TRABD2A: variants seen among roughly 807,000 people sequenced by gnomAD.
The protein encoded by TRABD2A is TraB domain containing 2A, also known as metalloprotease TIKI1.
A neutral mutation model predicts 45.6 loss-of-function variants in TRABD2A; 43 were observed. The ratio of observed to expected loss-of-function variants is 0.94; its 90% CI spans 0.74 to 1.22. The LOEUF is 1.22. Ranked by LOEUF, TRABD2A falls within the 50% of genes most tolerant of loss-of-function variation. The probability of loss-of-function intolerance (pLI) is 0.00; values close to 1 mark genes in which losing one functional copy is unlikely to be tolerated. For synonymous variants in TRABD2A, 269 were observed against 265.0 expected (o/e 1.02, Z -0.15); for missense variants, 642 against 652.4 (o/e 0.98, Z 0.17).
At chr2:84,877,844 TCAGCAGAC>T (rs1183602717) in intron 1 of TRABD2A, among the ~76,000 whole-genome samples, 1 of 152,200 alleles carries the variant, frequency 6.6e-6, no homozygotes, top group Non-Finnish European at 1.5e-5. Context: ...AGATTACTCT[TCAGCAGAC>T]CAGCCACAAT....
Position 84,839,202 on chromosome 2 carries a change from T to C in TRABD2A, c.938A>G (p.Lys313Arg), listed in dbSNP as rs1169070832. 2 of 1,613,940 alleles carry C rather than the reference T, an allele frequency of 1.2e-6. No homozygotes were observed. Among genetic ancestry groups the C allele is most frequent in the African/African-American group, 1.3e-5 (1 of 75,036 alleles). Residue 313 changes from lysine (K) to arginine (R), a missense_variant, in exon 4 of 7, where the codon AAG becomes AGG. Coordinates refer to ENST00000409520, the MANE Select transcript of TRABD2A (RefSeq NM_001277053.2). The part of the protein sequence containing the change: ...KRNERIGKRV[K>R]ALLEEFPDKG... ...GTCAGGGAACTCCTCCAAAAGGGCC[T>C]TCACCCGCTTCCCTATTCTCTCATT...
chr2:84,878,935 A>G (rs1683118134), intron 1 of TRABD2A, among the ~76,000 whole-genome samples: 1 of 152,210 alleles, frequency 6.6e-6, no homozygotes, highest in East Asian at 1.9e-4. Flanking sequence ...TTCTCAAAGT[A>G]TGGTCCAGGG....
chr2:84,875,797 A>G lies in TRABD2A; in HGVS notation c.109-5012T>C, dbSNP rs919808333. Among the ~76,000 whole-genome samples, 3 of 152,164 alleles carry G rather than the reference A, an allele frequency of 2.0e-5. No homozygotes were observed. The South Asian group carries it at 6.2e-4, about 32-fold the overall frequency. On this transcript the variant is annotated intron_variant, in intron 1 of 6. Coordinates refer to ENST00000409520, the MANE Select transcript of TRABD2A (RefSeq NM_001277053.2). The stretch of plus-strand genomic sequence containing the variant: ...AGCTTGAGCCCAAAAGTTTGAGATC[A>G]GCCTGGACAACATAGCAAGACCCTG...
At chr2:84,865,506 A>T (rs148528311) in intron 2 of TRABD2A, among the ~76,000 whole-genome samples, 193 of 152,336 alleles carry the variant, frequency 1.3e-3, no homozygotes, top group African/African-American at 4.5e-3. Context: ...CAGGCTTTGC[A>T]TGTGGAAAGC....
rs773927512 is a variant in TRABD2A at position 84,863,239 on chromosome 2, C to CTTTTTTTTTTTTTT, written c.669+6972_669+6985dup. Among the ~76,000 whole-genome samples the CTTTTTTTTTTTTTT allele has an allele frequency of 1.6e-4, 16 of 98,136 alleles. 1 individual carries two copies. The highest frequency in any genetic ancestry group is 6.2e-4 in the African/African-American group (14 of 22,662). The allele number at this position is 98,136 out of a possible 152,430, so 64.4% of individuals were successfully genotyped here. ...CCAAAAGGTTAGACTTCATGTGAAT[C>CTTTTTTTTTTTTTT]TTTTTTTTTTTTTTTTTTTTTTTGA... On this transcript the variant is annotated intron_variant, in intron 2 of 6. Transcript: ENST00000409520.
rs747448072 is a variant in TRABD2A at position 84,881,056 on chromosome 2, C to T, written c.-17G>A. The T allele has an allele frequency of 1.5e-5, 24 of 1,580,462 alleles. No homozygotes were observed. The highest frequency in any genetic ancestry group is 2.1e-5 in the Non-Finnish European group (24 of 1,164,826). On this transcript the variant is annotated 5_prime_UTR_variant, in exon 1 of 7. Transcript: ENST00000409520. ...GGGACTCATCCTCCTCAAGGCGGCT[C>T]CGAGGCCCGGAACGCGGAGGGAAGG...
chr2:84,823,850 C>T, intron 6 of TRABD2A, 103 bp downstream of exon 6: 1 of 1,483,948 alleles, frequency 6.7e-7, no homozygotes, highest in South Asian at 1.3e-5. Flanking sequence ...GGAAAGGTTG[C>T]TCCATGAGGG....
chr2:84,822,794 A>G (rs1681034810), intron 6 of TRABD2A, among the ~76,000 whole-genome samples: 2 of 152,174 alleles, frequency 1.3e-5, no homozygotes, highest in Non-Finnish European at 2.9e-5. Flanking sequence ...TCCATTTAAA[A>G]TGCAGATCAC....
chr2:84,859,753 C>T (rs555073398), intron 2 of TRABD2A, among the ~76,000 whole-genome samples: 1 of 152,272 alleles, frequency 6.6e-6, no homozygotes, highest in African/African-American at 2.4e-5. Context: ...CCAGAGTTTC[C>T]AGTTCAGGAG....
At chr2:84,841,783 A>G in intron 3 of TRABD2A, 78 bp downstream of exon 3, 2 of 1,389,634 alleles carry the variant, frequency 1.4e-6, no homozygotes, top group Non-Finnish European at 1.9e-6. Flanking sequence ...TGTACACAGG[A>G]TGTACATGTT....
At chr2:84,833,169 C>G (rs1681398344) in intron 4 of TRABD2A, 1 of 152,218 alleles carries the variant, frequency 6.6e-6, no homozygotes. Flanking sequence ...ACCATTCCCT[C>G]CCATCCTCCC....
chr2:84,840,222 G>A (rs1044463430), intron 3 of TRABD2A, among the ~76,000 whole-genome samples: 4 of 152,006 alleles, frequency 2.6e-5, no homozygotes, highest in East Asian at 1.9e-4. Flanking sequence ...CTTTTGCGAC[G>A]GCCTCGAAAT....
intron 2 of TRABD2A, 65 bp downstream of exon 2, chr2:84,870,160 G>A (rs1482614634): frequency 1.4e-6 from 2 of 1,473,420 alleles, no homozygotes; most frequent in East Asian, 2.3e-5. Flanking sequence ...CACCTGCCCT[G>A]AAACTCAACA....
chr2:84,845,452 G>A (rs973282110), intron 2 of TRABD2A, among the ~76,000 whole-genome samples: 1 of 152,168 alleles, frequency 6.6e-6, no homozygotes, highest in African/African-American at 2.4e-5. Context: ...AATCCCTGGT[G>A]GAAGATGGAC....
intron 1 of TRABD2A, among the ~76,000 whole-genome samples, chr2:84,878,685 T>C (rs1198387267): frequency 6.6e-6 from 1 of 152,118 alleles, no homozygotes; most frequent in East Asian, 1.9e-4. Context: ...TAACCAACCA[T>C]GAAAACCAAA....
chr2:84,880,973 G>C lies in TRABD2A; in HGVS notation c.67C>G (p.Arg23Gly), dbSNP rs1223096244. The C allele has an allele frequency of 1.9e-6, 3 of 1,602,564 alleles. No homozygotes were observed. The African/African-American group carries it at 4.0e-5, about 21-fold the overall frequency. ...CLLPTGAASR[R>G]GAPGTANCEL... ...CAGTTGGCGGTGCCGGGCGCCCCGC[G>C]CCGCGAAGCTGCGCCCGTGGGCAGG... is the stretch of plus-strand genomic sequence containing the variant. Residue 23 changes from arginine (R) to glycine (G), a missense_variant, in exon 1 of 7, where the codon CGC (arginine) becomes GGC (glycine). Arg to Gly is a moderately radical substitution (Grantham distance 125). Transcript: ENST00000409520.
chr2:84,824,329 G>C, intron 5 of TRABD2A, 125 bp from the exon 6 acceptor site: 1 of 1,355,784 alleles, frequency 7.4e-7, no homozygotes, highest in Non-Finnish European at 9.9e-7. Context: ...AGCTGGCCAG[G>C]AAGGGCAGAA....
chr2:84,861,817 C>T lies in TRABD2A; in HGVS notation c.669+8408G>A, dbSNP rs72926852. Among the ~76,000 whole-genome samples the T allele has an allele frequency of 3.9e-3, 591 of 152,322 alleles. 3 individuals are homozygous for T. Among genetic ancestry groups the T allele is most frequent in the Middle Eastern group, 0.014 (4 of 294 alleles). ...CAAAGCACCCGCAAGAGCAGAAGCT[C>T]AGTGTGAGCTGCAGTTCTCACCTGA... On this transcript the variant is annotated intron_variant, in intron 2 of 6. Transcript: ENST00000409520.
chr2:84,829,496 C>T (rs1312301159), intron 5 of TRABD2A, among the ~76,000 whole-genome samples: 2 of 150,206 alleles, frequency 1.3e-5, no homozygotes, highest in African/African-American at 4.9e-5. Flanking sequence ...ACATACACAA[C>T]TCACACATCA....
Sources: allele counts gnomAD v4.1 joint callset (sites outside exome capture counted in the v4.1 genomes callset), GRCh38; gene constraint gnomAD v4.1.1; transcripts MANE v1.5; gene names NCBI Gene and HGNC (gene_info 2026-07-23, HGNC 2026-07-21).